Variants in PTPRG observed in about 807,000 individuals in gnomAD.
PTPRG encodes the protein receptor-type tyrosine-protein phosphatase gamma.
Under a neutral mutation model 165.3 loss-of-function variants are expected in PTPRG, and 102 were observed. The ratio of observed to expected loss-of-function variants is 0.62; its 90% CI spans 0.53 to 0.73. The LOEUF is 0.73. Among genes scored for constraint, PTPRG ranks in the 30% least tolerant of loss-of-function variants. PTPRG has a pLI of 0.00. For synonymous variants in PTPRG, 675 were observed against 669.5 expected, an observed-to-expected ratio of 1.01 and a Z score of -0.13; for missense variants, 1,866 against 1,861.4, an observed-to-expected ratio of 1.00 and a Z score of -0.05.
intron 13 of PTPRG, 117 bp from the exon 14 acceptor site, chr3:62,231,107 CT>C: frequency 1.5e-6 from 1 of 681,962 alleles, no homozygotes; most frequent in Non-Finnish European, 2.2e-6. Context: ...CAGATGAGGC[CT>C]GATGACGGGG....
At chr3:62,207,359 G>C (rs2106851796) in intron 12 of PTPRG, among the ~76,000 whole-genome samples, 1 of 152,342 alleles carries the variant, frequency 6.6e-6, no homozygotes, top group East Asian at 1.9e-4. Flanking sequence ...ATTAGTAAAG[G>C]ACGTGAGTGA....
intron 2 of PTPRG, among the ~76,000 whole-genome samples, chr3:61,916,057 TTA>T (rs2038928985): frequency 6.6e-6 from 1 of 152,214 alleles, no homozygotes; most frequent in South Asian, 2.1e-4. Context: ...TGCTATTAAA[TTA>T]GATATGAATC....
intron 2 of PTPRG, among the ~76,000 whole-genome samples, chr3:61,834,716 G>A (rs1356524237): frequency 6.6e-6 from 1 of 152,152 alleles, no homozygotes; most frequent in Non-Finnish European, 1.5e-5. Flanking sequence ...AGGAAGCTGA[G>A]GCAGGAGAAT....
intron 4 of PTPRG, among the ~76,000 whole-genome samples, chr3:62,064,721 A>ATTTTTTT (rs35605831): frequency 1.6e-5 from 1 of 62,886 alleles, no homozygotes. Flanking sequence ...GGTTATTTGG[A>ATTTTTTT]TTTTTTTTTT....
chr3:61,928,002 C>T (rs760769551), intron 2 of PTPRG, among the ~76,000 whole-genome samples: 15 of 152,056 alleles, frequency 9.9e-5, no homozygotes, highest in Non-Finnish European at 1.6e-4. Flanking sequence ...TTTCCTGTAC[C>T]GGTCACCTAG....
At chr3:61,911,444 G>A (rs2038801828) in intron 2 of PTPRG, among the ~76,000 whole-genome samples, 1 of 152,046 alleles carries the variant, frequency 6.6e-6, no homozygotes, top group Admixed American at 6.6e-5. Flanking sequence ...TTCCATTTGG[G>A]ACTACTTTTG....
intron 2 of PTPRG, among the ~76,000 whole-genome samples, chr3:61,788,383 A>G (rs1301876376): frequency 1.3e-5 from 2 of 152,240 alleles, no homozygotes; most frequent in Non-Finnish European, 2.9e-5. Flanking sequence ...TTATTAACAC[A>G]TTACAAGATC....
chr3:62,025,243 T>C (rs1286662386), intron 4 of PTPRG, among the ~76,000 whole-genome samples: 2 of 152,190 alleles, frequency 1.3e-5, no homozygotes, highest in African/African-American at 4.8e-5. Flanking sequence ...TCTGAATGCA[T>C]GTATATATAT....
At chr3:61,581,921 T>A (rs1335690340) in intron 1 of PTPRG, among the ~76,000 whole-genome samples, 1 of 152,070 alleles carries the variant, frequency 6.6e-6, no homozygotes, top group Non-Finnish European at 1.5e-5. Flanking sequence ...AGGTCCTTCT[T>A]TATCTTGGCA....
chr3:61,903,671 G>T (rs2038561284), intron 2 of PTPRG, among the ~76,000 whole-genome samples: 1 of 152,132 alleles, frequency 6.6e-6, no homozygotes, highest in Admixed American at 6.5e-5. Context: ...ACCGTGCCCG[G>T]GCCTGGCTGT....
intron 1 of PTPRG, among the ~76,000 whole-genome samples, chr3:61,672,194 G>A (rs1306831797): frequency 1.5e-5 from 2 of 135,280 alleles, no homozygotes; most frequent in Non-Finnish European, 3.2e-5. Context: ...TCACTTCCTA[G>A]ATGGGATGGC....
chr3:61,691,703 T>G (rs1027406846), intron 1 of PTPRG, among the ~76,000 whole-genome samples: 2 of 152,190 alleles, frequency 1.3e-5, no homozygotes, highest in African/African-American at 4.8e-5. Context: ...TTGGAAAATA[T>G]CCCAGCAACG....
chr3:62,130,883 G>C (rs1282434911), intron 5 of PTPRG, among the ~76,000 whole-genome samples: 2 of 151,854 alleles, frequency 1.3e-5, no homozygotes, highest in Admixed American at 1.3e-4. Flanking sequence ...GCACACTTAT[G>C]CCAACTCCCA....
Position 61,736,508 on chromosome 3 carries a change from C to T in PTPRG, c.86-12370C>T, listed in dbSNP as rs560291593. 1.6e-4 allele frequency among the ~76,000 whole-genome samples: 24 copies of T among 151,932 alleles called. 1 individual carries two copies. In the South Asian group the frequency reaches 4.2e-3, roughly 26 times the overall value. On this transcript the variant is annotated intron_variant, in intron 1 of 29. Coordinates refer to ENST00000474889, the MANE Select transcript of PTPRG (RefSeq NM_002841.4). The stretch of plus-strand genomic sequence containing the variant: ...GTTCATTTTGTGAACAATCCTAATT[C>T]AGATGAAGAAGGGTGAAGGTGAAGT...
At chr3:61,639,411 G>T (rs1702004237) in intron 1 of PTPRG, among the ~76,000 whole-genome samples, 1 of 152,126 alleles carries the variant, frequency 6.6e-6, no homozygotes, top group African/African-American at 2.4e-5. Context: ...GGTTCCATAT[G>T]AATTTTAGAA....
chr3:62,211,207 A>C (rs185891682), intron 12 of PTPRG, among the ~76,000 whole-genome samples: 26 of 152,370 alleles, frequency 1.7e-4, no homozygotes, highest in African/African-American at 6.0e-4. Flanking sequence ...CACATGCTAC[A>C]ACATGGATGA....
In PTPRG at chr3:62,219,923, T is replaced by C. The variant is rs1700609051; in HGVS notation, c.2288+940T>C. ...ATGTAATTTCTAAGATGGTGGTAAC[T>C]GGATAATGGAGAAAGCTTAAATCTG... On this transcript the variant is annotated intron_variant, in intron 13 of 29. Coordinates refer to ENST00000474889, the MANE Select transcript of PTPRG (RefSeq NM_002841.4). This position sits in a 1 kb window ranked among gnomAD's most constrained non-coding sequence, Gnocchi z 4.5. Among the ~76,000 whole-genome samples the C allele has an allele frequency of 6.6e-6, 1 of 152,220 alleles. No individual in the cohort carries two copies. The highest frequency in any genetic ancestry group is 1.5e-5 in the Non-Finnish European group (1 of 68,046).
intron 2 of PTPRG, among the ~76,000 whole-genome samples, chr3:61,791,066 C>T (rs146216455): frequency 4.6e-5 from 7 of 152,136 alleles, no homozygotes; most frequent in African/African-American, 1.7e-4. Flanking sequence ...CAATGGTTGC[C>T]GTGTTGCTAA....
rs567594260 is a variant in PTPRG at position 61,734,077 on chromosome 3, C to G, written c.86-14801C>G. On this transcript the variant is annotated intron_variant, in intron 1 of 29. Coordinates refer to ENST00000474889, the MANE Select transcript of PTPRG (RefSeq NM_002841.4). ...GATTACAGGCATGAGCCACCACGCC[C>G]AGCCAACATCTGTTCACTTTGGGTA... Among the ~76,000 whole-genome samples the G allele has an allele frequency of 1.2e-4, 18 of 152,334 alleles. No individual in the cohort carries two copies. In the East Asian group the frequency reaches 3.3e-3, roughly 28 times the overall value.
Sources: gnomAD v4.1 joint callset for allele counts (sites outside exome capture counted in the v4.1 genomes callset) on GRCh38, gnomAD v4.1.1 for gene constraint, Gnocchi (gnomAD v3.1) non-coding constraint, MANE v1.5 for transcripts, NCBI Gene and HGNC (gene_info 2026-07-23, HGNC 2026-07-21) for gene names.